SYNCRIP: variants seen among roughly 807,000 people sequenced by gnomAD.
SYNCRIP encodes heterogeneous nuclear ribonucleoprotein Q.
SYNCRIP carries 9 observed loss-of-function variants against 68.9 expected under a neutral mutation model. The ratio of observed to expected loss-of-function variants is 0.13; its 90% CI spans 0.08 to 0.23. The LOEUF (loss-of-function observed/expected upper bound fraction) is 0.23. SYNCRIP is among the 10% of genes least tolerant of loss of function. The pLI, the probability that SYNCRIP is intolerant of heterozygous loss-of-function variation, is 1.00. For synonymous variants in SYNCRIP, 258 were observed against 254.0 expected (o/e 1.02, Z -0.15); for missense variants, 414 against 770.6 (o/e 0.54, Z 5.48).
intron 6 of SYNCRIP, among the ~76,000 whole-genome samples, chr6:85,629,364 T>C (rs1243940876): frequency 2.0e-5 from 3 of 152,108 alleles, no homozygotes; most frequent in Admixed American, 2.0e-4. Flanking sequence ...AAAGTTTTCA[T>C]GCTAAACACA....
chr6:85,619,696 G>C (rs1806172677), intron 8 of SYNCRIP, among the ~76,000 whole-genome samples: 1 of 152,172 alleles, frequency 6.6e-6, no homozygotes, highest in African/African-American at 2.4e-5. Context: ...GAAACCGCAA[G>C]TCAAAACTAT....
chr6:85,611,037 ATT>A (rs1805196852), downstream of SYNCRIP: 1 of 152,070 alleles, frequency 6.6e-6, no homozygotes. Context: ...ATGAATACTT[ATT>A]GACAAATTTT....
chr6:85,637,602 G>A (rs1271915241), intron 4 of SYNCRIP, among the ~76,000 whole-genome samples: 3 of 152,190 alleles, frequency 2.0e-5, no homozygotes, highest in African/African-American at 4.8e-5. Context: ...ACTGAATAGT[G>A]TGCTTAATGG....
chr6:85,611,131 T>C (rs1315295013), downstream of SYNCRIP: 1 of 152,028 alleles, frequency 6.6e-6, no homozygotes, highest in East Asian at 1.9e-4. Context: ...AAAAAACCAA[T>C]TAATGTGAAA....
At position 85,636,973 on chromosome 6, in the gene SYNCRIP, A is replaced by T; in HGVS notation, c.660T>A (p.Val220=). 1 of 1,595,194 alleles carries T rather than the reference A, an allele frequency of 6.3e-7. No individual in the cohort carries two copies. The highest frequency in any genetic ancestry group is 8.5e-7 in the Non-Finnish European group (1 of 1,174,384). Residue 220 remains valine, a synonymous_variant, in exon 6 of 11, where the codon GTT becomes GTA. Coordinates refer to ENST00000369622, the MANE Select transcript of SYNCRIP (RefSeq NM_006372.5). ...FCTKEAAQEA[V]KLYNNHEIRS... ...GGAAAAAAGGACAACTTACCAGTTT[A>T]ACAGCCTCCTGAGCTGCTTCTTTTG...
chr6:85,623,307 T>C (rs1806630848), intron 7 of SYNCRIP, among the ~76,000 whole-genome samples: 1 of 151,970 alleles, frequency 6.6e-6, no homozygotes, highest in Non-Finnish European at 1.5e-5. Flanking sequence ...CTCATACCTG[T>C]AATCGCAACA....
chr6:85,643,143 A>C (rs1809414905), upstream of SYNCRIP: 1 of 145,532 alleles, frequency 6.9e-6, no homozygotes, highest in Non-Finnish European at 1.5e-5. Context: ...GGCCTTTCTT[A>C]TTCCCGCCCC....
At chr6:85,636,282 T>G (rs1447634770) in intron 6 of SYNCRIP, among the ~76,000 whole-genome samples, 2 of 151,926 alleles carry the variant, frequency 1.3e-5, no homozygotes, top group East Asian at 3.9e-4. Context: ...CCATCTCTAC[T>G]AAAAATATAA....
At chr6:85,640,748 C>G (rs1048822074) in intron 2 of SYNCRIP, among the ~76,000 whole-genome samples, 184 bp from the exon 3 acceptor site, 1 of 151,358 alleles carries the variant, frequency 6.6e-6, no homozygotes, top group Non-Finnish European at 1.5e-5. Context: ...ATATGCCCTA[C>G]CAACCACACT....
chr6:85,619,043 A>C (rs1355937424), intron 9 of SYNCRIP, 104 bp from the exon 10 acceptor site: 2 of 1,262,916 alleles, frequency 1.6e-6, no homozygotes, highest in Non-Finnish European at 2.2e-6. Context: ...GGACAAGAGA[A>C]AGCCCCATGC....
At chr6:85,628,379 C>CA (rs2128291782) in intron 6 of SYNCRIP, among the ~76,000 whole-genome samples, 1 of 152,262 alleles carries the variant, frequency 6.6e-6, no homozygotes, top group East Asian at 1.9e-4. Flanking sequence ...ATTATAAAGT[C>CA]TTCTTTACAA....
intron 10 of SYNCRIP, among the ~76,000 whole-genome samples, chr6:85,617,109 A>T (rs1805863303): frequency 6.6e-6 from 1 of 151,518 alleles, no homozygotes; most frequent in Non-Finnish European, 1.5e-5. Flanking sequence ...TCTGAGCCTC[A>T]GTTTCCTCAT....
intron 8 of SYNCRIP, among the ~76,000 whole-genome samples, chr6:85,621,483 C>G (rs1806392872): frequency 1.3e-5 from 2 of 151,782 alleles, no homozygotes; most frequent in African/African-American, 4.8e-5. Flanking sequence ...TGTGGTAGTA[C>G]ACACCTGTAG....
At chr6:85,621,603 C>T (rs1806411984) in intron 8 of SYNCRIP, among the ~76,000 whole-genome samples, 1 of 121,596 alleles carries the variant, frequency 8.2e-6, no homozygotes, top group East Asian at 2.4e-4. Flanking sequence ...TAGACCCTGT[C>T]ACTTAAAAAA....
chr6:85,642,360 T>C (rs768536273), intron 1 of SYNCRIP, among the ~76,000 whole-genome samples: 4 of 152,034 alleles, frequency 2.6e-5, no homozygotes, highest in Non-Finnish European at 4.4e-5. Context: ...GTGCAGTGAC[T>C]GCGACGCCTG....
At chr6:85,627,613 A>T (rs1807206561) in intron 6 of SYNCRIP, among the ~76,000 whole-genome samples, 1 of 152,176 alleles carries the variant, frequency 6.6e-6, no homozygotes, top group African/African-American at 2.4e-5. Context: ...TGTGAATAAG[A>T]GATTCTAATT....
intron 6 of SYNCRIP, among the ~76,000 whole-genome samples, chr6:85,624,607 C>T (rs562696674): frequency 6.6e-6 from 1 of 152,224 alleles, no homozygotes; most frequent in South Asian, 2.1e-4. Context: ...GTACTTTTTC[C>T]CCATTTCATT....
Position 85,640,269 on chromosome 6 carries a change from C to G in SYNCRIP, c.327G>C (p.Gly109=). Residue 109 remains glycine, a synonymous_variant, in exon 4 of 11, where the codon GGG becomes GGC. Transcript: ENST00000369622. The part of the protein sequence containing the change: ...MKTYRQREKQ[G]TKVADSSKGP... ...CTTTACTAGAATCTGCTACTTTGGT[C>G]CCTTGTTTTTCTCTCTGCCTGTAAG... is the stretch of plus-strand genomic sequence containing the variant. 1 of 1,613,814 alleles carries G rather than the reference C, an allele frequency of 6.2e-7. No homozygotes were observed. Among genetic ancestry groups the G allele is most frequent in the Non-Finnish European group, 8.5e-7 (1 of 1,179,894 alleles).
At chr6:85,636,923 A>T (rs373105072) in intron 6 of SYNCRIP, 44 bp downstream of exon 6, 15 of 1,537,514 alleles carry the variant, frequency 9.8e-6, no homozygotes, top group South Asian at 2.5e-5. Context: ...TTGATATTAA[A>T]GACAGTGAAC....
Sources: allele counts gnomAD v4.1 joint callset (sites outside exome capture counted in the v4.1 genomes callset), GRCh38; gene constraint gnomAD v4.1.1; transcripts MANE v1.5; gene names NCBI Gene and HGNC (gene_info 2026-07-23, HGNC 2026-07-21).